RABGAP1L: variants seen among roughly 807,000 people sequenced by gnomAD.
RABGAP1L encodes the protein RAB GTPase activating protein 1 like.
RABGAP1L carries 63 observed loss-of-function variants against 137.7 expected under a neutral mutation model. That is an observed-to-expected ratio of 0.46 (90% confidence interval 0.37 to 0.56). The LOEUF (loss-of-function observed/expected upper bound fraction) is 0.56. RABGAP1L is among the 20% of genes least tolerant of loss of function. The pLI is 0.00. For missense variants in RABGAP1L, 1,095 were observed against 1,244.0 expected (o/e 0.88, Z 1.80); for synonymous variants, 431 against 433.7 (o/e 0.99, Z 0.08).
chr1:174,764,313 G>C (rs1573082065), intron 18 of RABGAP1L, among the ~76,000 whole-genome samples: 1 of 152,098 alleles, frequency 6.6e-6, no homozygotes, highest in East Asian at 1.9e-4. Flanking sequence ...AGTTCTCTTG[G>C]TTATATGCCT....
intron 13 of RABGAP1L, among the ~76,000 whole-genome samples, chr1:174,438,499 C>G (rs1010425320): frequency 2.0e-5 from 3 of 151,582 alleles, no homozygotes; most frequent in African/African-American, 7.3e-5. Flanking sequence ...CAGGTGATCA[C>G]TTGAGTTCAG....
chr1:174,619,751 C>T (rs1672261195), intron 13 of RABGAP1L, among the ~76,000 whole-genome samples: 1 of 152,196 alleles, frequency 6.6e-6, no homozygotes, highest in African/African-American at 2.4e-5. Flanking sequence ...AAATAACCAC[C>T]TAACATCATA....
intron 18 of RABGAP1L, among the ~76,000 whole-genome samples, chr1:174,783,893 A>G (rs1687236458): frequency 6.7e-6 from 1 of 150,056 alleles, no homozygotes; most frequent in South Asian, 2.1e-4. Context: ...TATCTTTACT[A>G]GAGAAGGGGT....
At chr1:174,866,601 G>A (rs893302447) in intron 19 of RABGAP1L, among the ~76,000 whole-genome samples, 4 of 152,072 alleles carry the variant, frequency 2.6e-5, no homozygotes, top group East Asian at 1.9e-4. Context: ...TCATATTTGC[G>A]AATGCCTTAT....
chr1:174,217,569 ATTCATC>A, intron 1 of RABGAP1L, among the ~76,000 whole-genome samples: 1 of 152,300 alleles, frequency 6.6e-6, no homozygotes, highest in East Asian at 1.9e-4. Flanking sequence ...GCAGTTAAGG[ATTCATC>A]GTGCAGTCTG....
intron 18 of RABGAP1L, among the ~76,000 whole-genome samples, chr1:174,762,807 C>CTTTTTT (rs71563260): frequency 9.9e-4 from 81 of 81,722 alleles, no homozygotes; most frequent in Non-Finnish European, 1.2e-3. Context: ...GTCTCCTTTG[C>CTTTTTT]TTTTTTTTTT....
At chr1:174,547,409 G>A (rs907215909) in intron 13 of RABGAP1L, among the ~76,000 whole-genome samples, 4 of 152,132 alleles carry the variant, frequency 2.6e-5, no homozygotes, top group African/African-American at 4.8e-5. Flanking sequence ...TTGAGCCTAC[G>A]AGTTTGAGAC....
intron 1 of RABGAP1L, among the ~76,000 whole-genome samples, chr1:174,183,610 C>T (rs2148302217): frequency 6.6e-6 from 1 of 152,290 alleles, no homozygotes; most frequent in East Asian, 1.9e-4. Context: ...CTACTTGACA[C>T]ATCATTTCTT....
rs997399695 is a variant in RABGAP1L at position 174,935,198 on chromosome 1, T to C, written c.2341-22259T>C. Reference sequence around the variant, plus strand: ...CCTTGAATTAAAGCTGATTCCCTTCTTAAAGGTGATTGATATTTATGATTT... The same window carrying C: ...CCTTGAATTAAAGCTGATTCCCTTCCTAAAGGTGATTGATATTTATGATTT... On this transcript the variant is annotated intron_variant, in intron 19 of 25. Transcript: ENST00000681986. 2.0e-5 allele frequency: 3 copies of C among 152,244 alleles called. No individual in the cohort carries two copies. The East Asian group carries it at 5.8e-4, about 29-fold the overall frequency. 9.4% of individuals were successfully genotyped at this position (152,244 alleles called of 1,614,324 possible).
At chr1:174,837,770 A>G (rs542372062) in intron 19 of RABGAP1L, among the ~76,000 whole-genome samples, 4 of 152,336 alleles carry the variant, frequency 2.6e-5, no homozygotes, top group Non-Finnish European at 5.9e-5. Context: ...GTTAGCATCT[A>G]GAATTATTTT....
intron 13 of RABGAP1L, among the ~76,000 whole-genome samples, chr1:174,478,810 G>T (rs1478329889): frequency 6.6e-6 from 1 of 152,074 alleles, no homozygotes; most frequent in Non-Finnish European, 1.5e-5. Context: ...CTTCTCAATT[G>T]TATTCTGAGT....
chr1:174,351,578 G>A (rs1176514996), intron 11 of RABGAP1L, among the ~76,000 whole-genome samples: 1 of 151,748 alleles, frequency 6.6e-6, no homozygotes, highest in Non-Finnish European at 1.5e-5. Flanking sequence ...CTTTATTCCT[G>A]CTGCATTTAG....
At chr1:174,441,503 G>A (rs146451335) in intron 13 of RABGAP1L, among the ~76,000 whole-genome samples, 1 of 152,112 alleles carries the variant, frequency 6.6e-6, no homozygotes, top group African/African-American at 2.4e-5. Context: ...GGGAGGCTGA[G>A]GGGGGTGGAT....
intron 19 of RABGAP1L, among the ~76,000 whole-genome samples, chr1:174,925,520 G>T (rs1662637507): frequency 6.6e-6 from 1 of 152,016 alleles, no homozygotes; most frequent in Non-Finnish European, 1.5e-5. Flanking sequence ...GAATAGCCGG[G>T]GAGAAAGCGA....
intron 13 of RABGAP1L, among the ~76,000 whole-genome samples, chr1:174,546,846 C>G (rs56676676): frequency 1.3e-5 from 2 of 151,218 alleles, no homozygotes; most frequent in Non-Finnish European, 2.9e-5. Context: ...CTGGCTAACA[C>G]GGTGAAACCC....
At chr1:174,445,587 A>G (rs1654651586) in intron 13 of RABGAP1L, among the ~76,000 whole-genome samples, 1 of 152,112 alleles carries the variant, frequency 6.6e-6, no homozygotes, top group East Asian at 1.9e-4. Flanking sequence ...GGGATTGGAG[A>G]GATTAGTAAA....
chr1:174,209,411 T>G (rs1411591581), intron 1 of RABGAP1L, among the ~76,000 whole-genome samples: 2 of 152,052 alleles, frequency 1.3e-5, no homozygotes, highest in African/African-American at 4.8e-5. Flanking sequence ...CACCAGAAAC[T>G]GACTGAAGAG....
intron 13 of RABGAP1L, among the ~76,000 whole-genome samples, chr1:174,449,911 G>T (rs1655238597): frequency 6.6e-6 from 1 of 151,302 alleles, no homozygotes; most frequent in South Asian, 2.1e-4. Flanking sequence ...TCTTTTTCTT[G>T]ATCTGCATCC....
intron 19 of RABGAP1L, among the ~76,000 whole-genome samples, chr1:174,952,026 T>G (rs1667781847): frequency 6.6e-6 from 1 of 152,180 alleles, no homozygotes; most frequent in African/African-American, 2.4e-5. Context: ...GTTATTTCTC[T>G]TTTCTGTGTG....
Sources: gnomAD v4.1 joint callset for allele counts (sites outside exome capture counted in the v4.1 genomes callset) on GRCh38, gnomAD v4.1.1 for gene constraint, MANE v1.5 for transcripts, NCBI Gene and HGNC (gene_info 2026-07-23, HGNC 2026-07-21) for gene names.